The following SLC2A3 variants were observed in gnomAD, a reference collection of about 807,000 sequenced individuals.
SLC2A3 encodes solute carrier family 2 member 3.
In SLC2A3, 21 loss-of-function variants were observed where a neutral mutation model predicts 46.4. The ratio of observed to expected loss-of-function variants is 0.45; its 90% CI spans 0.32 to 0.65. The LOEUF is 0.65. Ranked by LOEUF, SLC2A3 falls within the 30% of genes least tolerant of loss-of-function variation. The pLI, the probability that SLC2A3 is intolerant of heterozygous loss-of-function variation, is 0.04. For synonymous variants in SLC2A3, 213 were observed against 239.4 expected (o/e 0.89, Z 1.02); for missense variants, 499 against 623.3 (o/e 0.80, Z 2.12).
Position 7,919,919 on chromosome 12 carries a change from A to C in SLC2A3, c.*1494T>G, listed in dbSNP as rs1224679196. 2 of 152,212 alleles carry C rather than the reference A, an allele frequency of 1.3e-5. No homozygotes were observed. Among genetic ancestry groups the C allele is most frequent in the East Asian group, 3.8e-4 (2 of 5,204 alleles). The allele number at this position is 152,212 out of a possible 1,614,324, so 9.4% of individuals were successfully genotyped here. A position where few individuals can be genotyped will look rare whatever the true frequency, so the allele number is the denominator to read the frequency against. On this transcript the variant is annotated 3_prime_UTR_variant, in exon 10 of 10. Transcript: ENST00000075120. ...AGTCAACAATAACGTACTTCCACCC[A>C]GAGCAAAGTGACAGTGCACATACAT...
intron 1 of SLC2A3, among the ~76,000 whole-genome samples, chr12:7,935,149 A>G (rs1435584088): frequency 2.0e-5 from 3 of 152,068 alleles, no homozygotes; most frequent in Admixed American, 6.5e-5. Context: ...AGTTAAATTT[A>G]TCTTGGTAAA....
chr12:7,934,995 C>A (rs1946197723), intron 1 of SLC2A3, among the ~76,000 whole-genome samples: 1 of 152,060 alleles, frequency 6.6e-6, no homozygotes. Context: ...CCTACATTTT[C>A]TTTCTTTCTG....
chr12:7,926,056 G>A (rs1371010181), intron 6 of SLC2A3, 108 bp from the exon 7 acceptor site: 5 of 894,326 alleles, frequency 5.6e-6, no homozygotes, highest in Non-Finnish European at 7.3e-6. Context: ...CCTTTTTCTA[G>A]GTTTTCGTTC....
intron 6 of SLC2A3, 199 bp downstream of exon 6, chr12:7,929,485 G>A: frequency 1.5e-6 from 1 of 651,772 alleles, no homozygotes; most frequent in South Asian, 3.7e-5. Flanking sequence ...AAATTTCAGA[G>A]ACACAGTCTC....
intron 2 of SLC2A3, 93 bp from the exon 3 acceptor site, chr12:7,933,240 C>G: frequency 7.3e-7 from 1 of 1,368,908 alleles, no homozygotes; most frequent in Non-Finnish European, 1.0e-6. Context: ...CCTAGAGAAT[C>G]AAGGGAATAA....
At chr12:7,923,107 G>A in intron 8 of SLC2A3, 83 bp from the exon 9 acceptor site, 2 of 1,285,240 alleles carry the variant, frequency 1.6e-6, no homozygotes, top group East Asian at 5.0e-5. Flanking sequence ...TTAACGGCAA[G>A]CTCCTCCTGT....
At chr12:7,933,233 A>T in intron 2 of SLC2A3, 86 bp from the exon 3 acceptor site, 1 of 1,417,928 alleles carries the variant, frequency 7.1e-7, no homozygotes, top group Non-Finnish European at 9.7e-7. Flanking sequence ...TTTCCTTCCT[A>T]GAGAATCAAG....
rs779322138 is a variant in SLC2A3 at position 7,933,080 on chromosome 12, A to G, written c.176T>C (p.Leu59Pro). 3 of 1,614,170 alleles carry G rather than the reference A, an allele frequency of 1.9e-6. No homozygotes were observed. The highest frequency in any genetic ancestry group is 2.5e-6 in the Non-Finnish European group (3 of 1,180,022). Residue 59 changes from leucine to proline, a missense_variant, in exon 3 of 10, where the codon CTC (leucine) becomes CCC (proline). Transcript: ENST00000075120. Reference sequence around the variant, plus strand: ...CACAGACAAGGACCAGAGAGACGTGAGCAGCACCTCAGAGGGTGGGGCATT... The same window carrying G: ...CACAGACAAGGACCAGAGAGACGTGGGCAGCACCTCAGAGGGTGGGGCATT... ...KGNAPPSEVL[L>P]TSLWSLSVAI...
Position 7,933,019 on chromosome 12 carries a change from A to C in SLC2A3, c.237T>G (p.Phe79Leu). The part of the protein sequence containing the change: ...IFSVGGMIGS[F>L]SVGLFVNRFG... Reference sequence around the variant, plus strand: ...AGCGGTTGACGAAGAGTCCGACGGAAAAGGAGCCGATCATACCCCCGACGG... The same window carrying C: ...AGCGGTTGACGAAGAGTCCGACGGACAAGGAGCCGATCATACCCCCGACGG... Residue 79 changes from phenylalanine (F) to leucine (L), a missense_variant, in exon 3 of 10, where the codon TTT becomes TTG. Transcript: ENST00000075120. 6.2e-7 allele frequency: 1 copy of C among 1,614,118 alleles called. No homozygotes were observed. The highest frequency in any genetic ancestry group is 8.5e-7 in the Non-Finnish European group (1 of 1,180,002).
chr12:7,930,228 C>T (rs1253820938), intron 5 of SLC2A3: 2 of 501,800 alleles, frequency 4.0e-6, no homozygotes, highest in Non-Finnish European at 6.8e-6. Context: ...TCAGGTGACC[C>T]GCCTCGGCCT....
chr12:7,933,460 G>C, intron 2 of SLC2A3: 1 of 481,352 alleles, frequency 2.1e-6, no homozygotes, highest in Non-Finnish European at 3.7e-6. Context: ...GAAAGAGTGG[G>C]AGGAAGAACA....
intron 5 of SLC2A3, 138 bp from the exon 6 acceptor site, chr12:7,930,009 G>C: frequency 6.8e-7 from 1 of 1,465,032 alleles, no homozygotes; most frequent in Non-Finnish European, 9.1e-7. Context: ...TTTTGAGACA[G>C]AGTTTCACTT....
chr12:7,923,025 C>T lies in SLC2A3; in HGVS notation c.1069-1G>A, dbSNP rs754305412. 1.9e-6 allele frequency: 3 copies of T among 1,611,808 alleles called. No individual in the cohort carries two copies. The highest frequency in any genetic ancestry group is 1.7e-5 in the Admixed American group (1 of 59,440). On this transcript the variant is annotated splice_acceptor_variant, in intron 8 of 9. Coordinates refer to ENST00000075120, the MANE Select transcript of SLC2A3 (RefSeq NM_006931.3). LOFTEE classifies it high-confidence loss of function. ...CAAAGCTCATCCCATTATAGTTATC[C>T]TGTAAGAGCAAGGAACAGAGAAAAT...
At chr12:7,925,353 T>A (rs1354472309) in intron 7 of SLC2A3, 2 of 153,092 alleles carry the variant, frequency 1.3e-5, no homozygotes, top group East Asian at 3.8e-4. Flanking sequence ...GTGACTGGCA[T>A]CAGGAGTGGG....
At chr12:7,926,095 T>A in intron 6 of SLC2A3, 147 bp from the exon 7 acceptor site, 1 of 650,928 alleles carries the variant, frequency 1.5e-6, no homozygotes, top group Non-Finnish European at 2.7e-6. Flanking sequence ...GCAAATGAAT[T>A]ATCTTCTGTA....
intron 6 of SLC2A3, among the ~76,000 whole-genome samples, chr12:7,928,105 C>CA (rs757613163): frequency 5.3e-5 from 8 of 150,914 alleles, no homozygotes; most frequent in Non-Finnish European, 8.9e-5. Flanking sequence ...GACTTCACCT[C>CA]AAAAAAAGGA....
chr12:7,929,491 G>T, intron 6 of SLC2A3, 193 bp downstream of exon 6: 2 of 734,344 alleles, frequency 2.7e-6, no homozygotes, highest in Non-Finnish European at 2.1e-6. Context: ...CAGAGACACA[G>T]TCTCACTCTG....
intron 6 of SLC2A3, among the ~76,000 whole-genome samples, chr12:7,929,037 T>C (rs1946124654): frequency 6.6e-6 from 1 of 151,876 alleles, no homozygotes. Flanking sequence ...CCTGGTGTGC[T>C]AGGTAGGAGA....
intron 6 of SLC2A3, 79 bp from the exon 7 acceptor site, chr12:7,926,027 G>T: frequency 1.7e-6 from 2 of 1,190,436 alleles, no homozygotes; most frequent in Non-Finnish European, 2.5e-6. Context: ...AAACTTAAAA[G>T]TCCCAGTGGG....
Sources: allele counts gnomAD v4.1 joint callset (sites outside exome capture counted in the v4.1 genomes callset), GRCh38; gene constraint gnomAD v4.1.1; transcripts MANE v1.5; gene names NCBI Gene and HGNC (gene_info 2026-07-23, HGNC 2026-07-21).